FNBP1: variants seen among roughly 807,000 people sequenced by gnomAD.
FNBP1 encodes formin binding protein 1.
Under a neutral mutation model 90.6 loss-of-function variants are expected in FNBP1, and 26 were observed. That is an observed-to-expected ratio of 0.29 (90% CI 0.21 to 0.40). FNBP1 has a LOEUF of 0.40. FNBP1 is among the 10% of genes least tolerant of loss of function. FNBP1 has a pLI of 1.00. For synonymous variants in FNBP1, 260 were observed against 265.2 expected, an observed-to-expected ratio of 0.98 and a Z score of 0.19; for missense variants, 635 against 768.0, an observed-to-expected ratio of 0.83 and a Z score of 2.05.
intron 6 of FNBP1, among the ~76,000 whole-genome samples, chr9:129,949,591 T>C (rs1003319643): frequency 6.6e-6 from 1 of 152,040 alleles, no homozygotes; most frequent in Admixed American, 6.6e-5. Flanking sequence ...GCCAGGCACA[T>C]TGGCTCACAC....
chr9:130,026,356 G>C (rs553139111), intron 1 of FNBP1, among the ~76,000 whole-genome samples: 63 of 151,936 alleles, frequency 4.1e-4, no homozygotes, highest in African/African-American at 1.5e-3. Context: ...TAGCCAGGCA[G>C]GGTGGCATGC....
chr9:130,032,650 A>G (rs530114016), intron 1 of FNBP1, among the ~76,000 whole-genome samples: 3 of 152,184 alleles, frequency 2.0e-5, no homozygotes, highest in Non-Finnish European at 4.4e-5. Context: ...TCAATCCCAA[A>G]CTAAGCTGAT....
chr9:130,045,466 T>C (rs114605755), upstream of FNBP1, among the ~76,000 whole-genome samples: 792 of 152,174 alleles, frequency 5.2e-3, 7 homozygotes, highest in African/African-American at 0.018. Context: ...CTTGTGAAAA[T>C]ACTCTAATCA....
chr9:129,977,385 A>G (rs1253604831), intron 4 of FNBP1, among the ~76,000 whole-genome samples: 1 of 152,210 alleles, frequency 6.6e-6, no homozygotes, highest in Non-Finnish European at 1.5e-5. Context: ...AAGAGGAACA[A>G]TAAGGTTTGC....
At chr9:129,927,512 T>G (rs2042091250) in intron 7 of FNBP1, among the ~76,000 whole-genome samples, 171 bp from the exon 8 acceptor site, 1 of 152,232 alleles carries the variant, frequency 6.6e-6, no homozygotes, top group Non-Finnish European at 1.5e-5. Context: ...ACATTTATTT[T>G]ATAAATTGCT....
intron 1 of FNBP1, among the ~76,000 whole-genome samples, chr9:130,002,454 G>GTGAGTTCTTGCTCTA (rs2055008301): frequency 1.3e-5 from 2 of 152,080 alleles, no homozygotes; most frequent in Admixed American, 6.6e-5. Flanking sequence ...GACGTAATGG[G>GTGAGTTCTTGCTCTA]TGAGTTCTTG....
intron 1 of FNBP1, among the ~76,000 whole-genome samples, chr9:130,033,367 G>A (rs557547723): frequency 3.1e-4 from 47 of 152,256 alleles, no homozygotes; most frequent in South Asian, 6.2e-4. Context: ...CACCCACACC[G>A]TTTGTCCCCA....
At chr9:130,017,773 T>C (rs2057384463) in intron 1 of FNBP1, among the ~76,000 whole-genome samples, 1 of 150,312 alleles carries the variant, frequency 6.7e-6, no homozygotes, top group African/African-American at 2.5e-5. Context: ...GAGGTTGCAG[T>C]GAGCTAAGAT....
chr9:130,034,118 G>A (rs1439535330), intron 1 of FNBP1, among the ~76,000 whole-genome samples: 1 of 151,480 alleles, frequency 6.6e-6, no homozygotes, highest in Non-Finnish European at 1.5e-5. Context: ...TCAGGAGATC[G>A]AGACCATCCT....
chr9:129,933,257 A>T (rs138972061), intron 6 of FNBP1, among the ~76,000 whole-genome samples: 339 of 152,288 alleles, frequency 2.2e-3, no homozygotes, highest in African/African-American at 7.9e-3. Flanking sequence ...ACAACCCATG[A>T]GAGCAGATAA....
chr9:129,907,330 AT>A (rs1227376630), intron 12 of FNBP1, among the ~76,000 whole-genome samples: 1 of 152,050 alleles, frequency 6.6e-6, no homozygotes, highest in Non-Finnish European at 1.5e-5. Context: ...CCTTTAACAT[AT>A]TGATTCATTT....
chr9:130,053,602 A>T, the FNBP1 span: 1 of 369,682 alleles, frequency 2.7e-6, no homozygotes, highest in Non-Finnish European at 5.0e-6. Context: ...CCCTGAGATC[A>T]GGGGTCCCCG....
At chr9:129,926,755 G>A (rs961664771) in intron 8 of FNBP1, among the ~76,000 whole-genome samples, 2 of 145,550 alleles carry the variant, frequency 1.4e-5, no homozygotes, top group Admixed American at 6.9e-5. Flanking sequence ...GGCGTGGTGC[G>A]GGCGCCTGTA....
intron 1 of FNBP1, among the ~76,000 whole-genome samples, chr9:130,040,201 C>A (rs530992641): frequency 3.3e-4 from 50 of 152,278 alleles, no homozygotes; most frequent in African/African-American, 1.1e-3. Context: ...AAGCCTTATA[C>A]ATCTTTGCAT....
intron 1 of FNBP1, among the ~76,000 whole-genome samples, chr9:130,030,383 C>T (rs1278133010): frequency 1.3e-5 from 2 of 150,840 alleles, no homozygotes; most frequent in African/African-American, 2.4e-5. Flanking sequence ...TGCAGTGAGC[C>T]GAGATTGCAC....
rs1235396682 is a variant in FNBP1, at chr9:130,036,977, C to T, written c.24+5975G>A. Among the ~76,000 whole-genome samples, 5 of 148,322 alleles carry T rather than the reference C, an allele frequency of 3.4e-5. No homozygotes were observed. In the South Asian group the frequency reaches 8.6e-4, roughly 25 times the overall value. On this transcript the variant is annotated intron_variant, in intron 1 of 16. Transcript: ENST00000446176. ...GGAGAATGGTGTGAACCTGGGAGGC[C>T]GAGCTTGCAGTGAGCCGAAATCACG...
intron 7 of FNBP1, 76 bp downstream of exon 7, chr9:129,929,491 T>A: frequency 2.5e-6 from 3 of 1,216,942 alleles, no homozygotes; most frequent in Non-Finnish European, 1.2e-6. Flanking sequence ...AACCCAGCAA[T>A]CACGATTCAG....
chr9:130,012,995 T>C (rs959463158), intron 1 of FNBP1, among the ~76,000 whole-genome samples: 8 of 151,524 alleles, frequency 5.3e-5, no homozygotes, highest in Non-Finnish European at 8.8e-5. Context: ...AAAAAGTCAA[T>C]AAAACTAAAA....
intron 4 of FNBP1, among the ~76,000 whole-genome samples, chr9:129,975,495 G>A (rs7039319): frequency 1 from 152,094 of 152,320 alleles, 75,934 homozygotes; most frequent in Non-Finnish European, 1. Context: ...ATAAATTACT[G>A]TAATTTTTGA....
Sources: allele counts gnomAD v4.1 joint callset (sites outside exome capture counted in the v4.1 genomes callset), GRCh38; gene constraint gnomAD v4.1.1; transcripts MANE v1.5; gene names NCBI Gene and HGNC (gene_info 2026-07-23, HGNC 2026-07-21).